BMF: variants seen among roughly 807,000 people sequenced by gnomAD.
BMF encodes Bcl2 modifying factor.
A neutral mutation model predicts 22.0 loss-of-function variants in BMF; 10 were observed. The ratio of observed to expected loss-of-function variants is 0.45; its 90% CI spans 0.28 to 0.77. The LOEUF is 0.77. Among genes scored for constraint, BMF ranks in the 30% least tolerant of loss-of-function variants. The pLI, the probability that BMF is intolerant of heterozygous loss-of-function variation, is 0.13. For synonymous variants in BMF, 87 were observed against 88.1 expected (o/e 0.99, Z 0.07); for missense variants, 206 against 226.8 (o/e 0.91, Z 0.59).
In BMF at chr15:40,104,315, G is replaced by C; in HGVS notation, c.318C>G (p.Leu106=). The part of the protein sequence containing the change: ...FYGNAGYRLP[L]PASFPAVLPI... ...GCAAGACTGCTGGGAAACTGGCAGG[G>C]AGAGGAAGCCGATAGCCAGCATTGC... The change falls in exon 4 of 5, where the codon CTC becomes CTG. Residue 106 remains leucine, a synonymous_variant. Transcript: ENST00000354670. The C allele has an allele frequency of 1.2e-6, 2 of 1,614,226 alleles. No individual in the cohort carries two copies. The highest frequency in any genetic ancestry group is 1.7e-6 in the Non-Finnish European group (2 of 1,180,038).
chr15:40,091,881 T>C lies in BMF; in HGVS notation c.461A>G (p.Gln154Arg). The stretch of plus-strand genomic sequence containing the variant: ...CTGCCACCACACACGATTTTGGTTC[T>C]GCTGGTGCTGAAGGGAGAAAAAAAA... The part of the protein sequence containing the change: ...FHRLHVQQHQ[Q>R]NQNRVWWQIL... The change falls in exon 5 of 5, where the codon CAG (glutamine) becomes CGG (arginine). Residue 154 changes from glutamine (Q) to arginine (R), a missense_variant. Gln to Arg is a conservative substitution (Grantham distance 43). Coordinates refer to ENST00000354670, the MANE Select transcript of BMF (RefSeq NM_001003940.2). 6.2e-7 allele frequency: 1 copy of C among 1,606,198 alleles called. No individual in the cohort carries two copies. Among genetic ancestry groups the C allele is most frequent in the South Asian group, 1.1e-5 (1 of 89,708 alleles).
intron 4 of BMF, among the ~76,000 whole-genome samples, chr15:40,100,382 G>C (rs894567386): frequency 6.6e-6 from 1 of 152,212 alleles, no homozygotes; most frequent in African/African-American, 2.4e-5. Flanking sequence ...CCACCCTCAA[G>C]ATAAGTCATT....
intron 4 of BMF, among the ~76,000 whole-genome samples, chr15:40,098,531 C>T (rs573951423): frequency 2.6e-5 from 4 of 152,312 alleles, no homozygotes; most frequent in African/African-American, 9.6e-5. Flanking sequence ...TTCTGACACT[C>T]GACTTGGGGT....
Position 40,104,317 on chromosome 15 carries a change from G to C in BMF, c.316C>G (p.Leu106Val). ...FYGNAGYRLP[L>V]PASFPAVLPI... ...AAGACTGCTGGGAAACTGGCAGGGA[G>C]AGGAAGCCGATAGCCAGCATTGCCT... The change falls in exon 4 of 5, where the codon CTC (leucine) becomes GTC (valine). Residue 106 changes from leucine to valine, a missense_variant. By Grantham distance (32) the Leu-to-Val change is conservative. Transcript: ENST00000354670. The C allele has an allele frequency of 6.2e-7, 1 of 1,614,228 alleles. No individual in the cohort carries two copies.
intron 4 of BMF, among the ~76,000 whole-genome samples, chr15:40,098,327 C>G (rs2036407645): frequency 6.6e-6 from 1 of 152,208 alleles, no homozygotes; most frequent in Non-Finnish European, 1.5e-5. Flanking sequence ...TGCACCTCCA[C>G]AGCCTGGAGG....
intron 4 of BMF, among the ~76,000 whole-genome samples, chr15:40,103,144 C>T (rs999860965): frequency 9.9e-5 from 15 of 152,250 alleles, no homozygotes; most frequent in Admixed American, 9.8e-4. Context: ...TGAAGCTACC[C>T]TTCTAACCTC....
At chr15:40,092,826 T>C (rs2036270417) in intron 4 of BMF, among the ~76,000 whole-genome samples, 1 of 151,780 alleles carries the variant, frequency 6.6e-6, no homozygotes, top group Non-Finnish European at 1.5e-5. Flanking sequence ...AGGCGGTCTT[T>C]GTTCTCTCTT....
In BMF at chr15:40,091,788, C is replaced by T. The variant is rs1459371281; in HGVS notation, c.554G>A (p.Ter185=). 6.2e-7 allele frequency: 1 copy of T among 1,603,924 alleles called. No homozygotes were observed. Among genetic ancestry groups the T allele is most frequent in the South Asian group, 1.1e-5 (1 of 89,248 alleles). The change falls in exon 5 of 5, where the codon TGA becomes TAA. Residue 185 remains the stop codon, a stop_retained_variant. Coordinates refer to ENST00000354670, the MANE Select transcript of BMF (RefSeq NM_001003940.2). The part of the protein sequence containing the change: ...EENRNGAGPR[*] ...CCATGTGAAGAGGGCAGCCCACCCTCACCTAGGGCCTGCCCCGTTCCTGTT... is the reference window on the plus strand; with the variant it reads ...CCATGTGAAGAGGGCAGCCCACCCTTACCTAGGGCCTGCCCCGTTCCTGTT...
rs562861056 is a variant in BMF, at chr15:40,108,848, C to T, written c.-209G>A. 1.6e-4 allele frequency: 25 copies of T among 153,404 alleles called. No homozygotes were observed. The South Asian group carries it at 3.7e-3, about 23-fold the overall frequency. The allele number at this position is 153,404 out of a possible 1,614,324, so 9.5% of individuals were successfully genotyped here. A position where few individuals can be genotyped will look rare whatever the true frequency, so the allele number is the denominator to read the frequency against. The stretch of plus-strand genomic sequence containing the variant: ...GGCACAGGCCGGGGCGGGAGGAGGC[C>T]ACTCCGCACGGTGCGGTATTGTTTC... On this transcript the variant is annotated 5_prime_UTR_variant, in exon 1 of 5. Coordinates refer to ENST00000354670, the MANE Select transcript of BMF (RefSeq NM_001003940.2).
intron 4 of BMF, among the ~76,000 whole-genome samples, chr15:40,101,567 T>A (rs1007767420): frequency 6.6e-6 from 1 of 152,130 alleles, no homozygotes; most frequent in Admixed American, 6.5e-5. Flanking sequence ...AGATAAAGGA[T>A]AAGAATGGAG....
chr15:40,103,800 C>T (rs34231574), intron 4 of BMF, among the ~76,000 whole-genome samples: 60,051 of 152,024 alleles, frequency 0.4, 12,440 homozygotes, highest in Non-Finnish European at 0.47. Context: ...CCCCCAACTG[C>T]CCAGTTTCAT....
Position 40,090,430 on chromosome 15 carries a change from GTTATAA to G in BMF, c.*1351_*1356del, listed in dbSNP as rs2036210074. The stretch of plus-strand genomic sequence containing the variant: ...GTTGTCTTTTCTCACATATGCAAAA[GTTATAA>G]TTTAGTTTCTAGCGTCTGGTTAACA... On this transcript the variant is annotated 3_prime_UTR_variant, in exon 5 of 5. Coordinates refer to ENST00000354670, the MANE Select transcript of BMF (RefSeq NM_001003940.2). 6.6e-6 allele frequency: 1 copy of G among 152,670 alleles called. No homozygotes were observed. The highest frequency in any genetic ancestry group is 6.5e-5 in the Admixed American group (1 of 15,284). The allele number at this position is 152,670 out of a possible 1,614,324, so 9.5% of individuals were successfully genotyped here.
At chr15:40,098,707 T>C (rs888519288) in intron 4 of BMF, among the ~76,000 whole-genome samples, 1 of 152,148 alleles carries the variant, frequency 6.6e-6, no homozygotes, top group Non-Finnish European at 1.5e-5. Context: ...CCAGTCATTT[T>C]TCTTTAACCT....
chr15:40,103,984 T>C (rs1323104670), intron 4 of BMF, among the ~76,000 whole-genome samples, 196 bp downstream of exon 4: 4 of 152,148 alleles, frequency 2.6e-5, no homozygotes, highest in South Asian at 2.1e-4. Context: ...AGTTAACCAA[T>C]GTGGAGCTCA....
Position 40,091,852 on chromosome 15 carries a change from G to C in BMF, c.490C>G (p.Leu164Val). The C allele has an allele frequency of 6.2e-7, 1 of 1,611,400 alleles. No individual in the cohort carries two copies. The highest frequency in any genetic ancestry group is 8.5e-7 in the Non-Finnish European group (1 of 1,179,054). ...QNQNRVWWQI[L>V]LFLHNLALNG... ...AAAGCAAGGTTGTGCAGGAAGAGGAGGATCTGCCACCACACACGATTTTGG... is the reference window on the plus strand; with the variant it reads ...AAAGCAAGGTTGTGCAGGAAGAGGACGATCTGCCACCACACACGATTTTGG... The change falls in exon 5 of 5, where the codon CTC (leucine) becomes GTC (valine). Residue 164 changes from leucine (L) to valine (V), a missense_variant. Leu to Val is a conservative substitution (Grantham distance 32). Coordinates refer to ENST00000354670, the MANE Select transcript of BMF (RefSeq NM_001003940.2).
At chr15:40,095,553 G>T (rs950979188) in intron 4 of BMF, among the ~76,000 whole-genome samples, 1 of 152,178 alleles carries the variant, frequency 6.6e-6, no homozygotes, top group East Asian at 1.9e-4. Flanking sequence ...AACAAGGGCA[G>T]ATCCCCAGAA....
chr15:40,108,852 C>G lies in BMF; in HGVS notation c.-213G>C, dbSNP rs1330571343. ...CAGGCCGGGGCGGGAGGAGGCCACT[C>G]CGCACGGTGCGGTATTGTTTCCAAA... On this transcript the variant is annotated 5_prime_UTR_variant, in exon 1 of 5. Transcript: ENST00000354670. The G allele has an allele frequency of 2.0e-5, 3 of 153,406 alleles. No homozygotes were observed. The highest frequency in any genetic ancestry group is 7.2e-5 in the African/African-American group (3 of 41,558). 9.5% of individuals were successfully genotyped at this position (153,406 alleles called of 1,614,324 possible).
In BMF at chr15:40,089,532, G is replaced by A. The variant is rs1405906909; in HGVS notation, c.*2255C>T. On this transcript the variant is annotated 3_prime_UTR_variant, in exon 5 of 5. Transcript: ENST00000354670. ...TGCCCCAGGCTTGATGTTGAGGTGG[G>A]TTTGTCAAAGTCTGGGCTCAGTTCT... is the stretch of plus-strand genomic sequence containing the variant. 2 of 152,220 alleles carry A rather than the reference G, an allele frequency of 1.3e-5. No individual in the cohort carries two copies. The highest frequency in any genetic ancestry group is 4.8e-5 in the African/African-American group (2 of 41,442). 9.4% of individuals were successfully genotyped at this position (152,220 alleles called of 1,614,324 possible).
intron 4 of BMF, among the ~76,000 whole-genome samples, chr15:40,103,682 C>T (rs758140843): frequency 6.6e-6 from 1 of 152,198 alleles, no homozygotes; most frequent in Non-Finnish European, 1.5e-5. Context: ...GAGGAGCGGC[C>T]TCCCCAGCTG....
Sources: gnomAD v4.1 joint callset for allele counts (sites outside exome capture counted in the v4.1 genomes callset) on GRCh38, gnomAD v4.1.1 for gene constraint, MANE v1.5 for transcripts, NCBI Gene and HGNC (gene_info 2026-07-23, HGNC 2026-07-21) for gene names.